The following COTL1 variants were observed in gnomAD, a reference collection of about 807,000 sequenced individuals.
COTL1 encodes coactosin-like protein.
In COTL1, 15 loss-of-function variants were observed where a neutral mutation model predicts 16.5. The observed-to-expected ratio is 0.91, with a 90% CI of 0.61 to 1.40. The LOEUF is 1.40. Ranked by LOEUF, COTL1 falls within the 40% of genes most tolerant of loss-of-function variation. The pLI is 0.00. For synonymous variants in COTL1, 112 were observed against 85.3 expected, an observed-to-expected ratio of 1.31 and a Z score of -1.73; for missense variants, 220 against 201.5, an observed-to-expected ratio of 1.09 and a Z score of -0.56.
chr16:84,612,743 A>T (rs796906296), intron 2 of COTL1, among the ~76,000 whole-genome samples: 10 of 152,280 alleles, frequency 6.6e-5, no homozygotes, highest in African/African-American at 2.4e-4. Flanking sequence ...TGGGCGACAG[A>T]GAAAAACTTT....
intron 2 of COTL1, among the ~76,000 whole-genome samples, chr16:84,614,896 GC>G (rs1905431618): frequency 6.6e-6 from 1 of 152,114 alleles, no homozygotes; most frequent in African/African-American, 2.4e-5. Context: ...GAGCCAGCCT[GC>G]CTGGGTTCAA....
At chr16:84,612,449 T>A (rs1283672006) in intron 2 of COTL1, among the ~76,000 whole-genome samples, 1 of 151,910 alleles carries the variant, frequency 6.6e-6, no homozygotes, top group Non-Finnish European at 1.5e-5. Context: ...AGCTTCCGAG[T>A]GGAAAGCATA....
chr16:84,617,821 G>A lies in COTL1; in HGVS notation c.77+17C>T, dbSNP rs760920177. On this transcript the variant is annotated intron_variant, in intron 1 of 3. Transcript: ENST00000262428. ...AGCCCGGGGAGCGGGGCGTGGAGAC[G>A]AATGAAAAGTTCCTACCAGATGACG... is the stretch of plus-strand genomic sequence containing the variant. 35 of 1,566,134 alleles carry A rather than the reference G, an allele frequency of 2.2e-5. No individual in the cohort carries two copies. Among genetic ancestry groups the A allele is most frequent in the Non-Finnish European group, 2.8e-5 (32 of 1,155,318 alleles).
At chr16:84,569,810 C>G (rs570096826) in intron 3 of COTL1, among the ~76,000 whole-genome samples, 7 of 152,314 alleles carry the variant, frequency 4.6e-5, no homozygotes, top group African/African-American at 1.7e-4. Context: ...CTGAGCCCCA[C>G]GGCATGAGGG....
chr16:84,605,918 C>T (rs888242435), intron 2 of COTL1, among the ~76,000 whole-genome samples: 7 of 152,246 alleles, frequency 4.6e-5, no homozygotes, highest in African/African-American at 1.7e-4. Flanking sequence ...TAAAGGTCCA[C>T]TGTTAACCAT....
chr16:84,601,201 G>T (rs1905100484), intron 2 of COTL1, among the ~76,000 whole-genome samples: 1 of 152,116 alleles, frequency 6.6e-6, no homozygotes, highest in Admixed American at 6.5e-5. Flanking sequence ...CCATCGCTGT[G>T]GGTTGGTTAT....
chr16:84,585,949 T>C (rs1439080685), intron 3 of COTL1, among the ~76,000 whole-genome samples: 1 of 152,152 alleles, frequency 6.6e-6, no homozygotes, highest in Non-Finnish European at 1.5e-5. Flanking sequence ...CAGCATCCCT[T>C]TCTCTAACAA....
At chr16:84,591,890 G>A (rs531460274) in intron 2 of COTL1, among the ~76,000 whole-genome samples, 25 of 119,472 alleles carry the variant, frequency 2.1e-4, no homozygotes, top group Non-Finnish European at 3.6e-4. Flanking sequence ...AAATATGTGC[G>A]TGCATGTGTA....
At chr16:84,612,168 A>G (rs921749780) in intron 2 of COTL1, among the ~76,000 whole-genome samples, 3 of 152,168 alleles carry the variant, frequency 2.0e-5, no homozygotes, top group African/African-American at 7.2e-5. Flanking sequence ...CAGCATAAGG[A>G]CTTGCTTCCT....
intron 2 of COTL1, among the ~76,000 whole-genome samples, chr16:84,617,264 T>G (rs1244171897): frequency 1.3e-5 from 2 of 152,216 alleles, no homozygotes; most frequent in African/African-American, 2.4e-5. Context: ...CTGCCCCGCC[T>G]GGAGAAGGCA....
At chr16:84,580,589 C>T (rs1330712836) in intron 3 of COTL1, among the ~76,000 whole-genome samples, 2 of 152,162 alleles carry the variant, frequency 1.3e-5, no homozygotes, top group Non-Finnish European at 2.9e-5. Context: ...CCCAGGGCTC[C>T]TCACTGCCCT....
At chr16:84,569,356 G>C (rs570270163) in intron 3 of COTL1, among the ~76,000 whole-genome samples, 3 of 152,192 alleles carry the variant, frequency 2.0e-5, no homozygotes, top group African/African-American at 7.2e-5. Flanking sequence ...TTCATTTTAT[G>C]TTAAATGAAT....
At chr16:84,614,390 G>T (rs1905416549) in intron 2 of COTL1, among the ~76,000 whole-genome samples, 1 of 152,056 alleles carries the variant, frequency 6.6e-6, no homozygotes, top group East Asian at 1.9e-4. Flanking sequence ...ACACCCCGTG[G>T]CCCTCTGGAA....
intron 2 of COTL1, among the ~76,000 whole-genome samples, chr16:84,603,790 G>A (rs1275717068): frequency 6.6e-6 from 1 of 151,990 alleles, no homozygotes; most frequent in Non-Finnish European, 1.5e-5. Context: ...ATAAGACCCT[G>A]CCCAGCTGGG....
intron 2 of COTL1, among the ~76,000 whole-genome samples, chr16:84,612,825 C>T (rs1163754313): frequency 6.6e-6 from 1 of 152,096 alleles, no homozygotes; most frequent in African/African-American, 2.4e-5. Flanking sequence ...ATTTTAGGTG[C>T]ATTACTTCAG....
chr16:84,583,366 T>C (rs777904876), intron 3 of COTL1, among the ~76,000 whole-genome samples: 12 of 152,336 alleles, frequency 7.9e-5, no homozygotes, highest in South Asian at 2.1e-4. Flanking sequence ...TATTGCCACA[T>C]TGGTACCCAA....
chr16:84,585,680 C>T lies in COTL1; in HGVS notation c.318+4425G>A, dbSNP rs149470469. Among the ~76,000 whole-genome samples the T allele has an allele frequency of 4.2e-3, 644 of 152,252 alleles. 2 individuals are homozygous for T. Among genetic ancestry groups the T allele is most frequent in the Non-Finnish European group, 5.9e-3 (403 of 68,022 alleles). ...GTGAAGCAGAGGGGAAGTTGATAGG[C>T]ATGCCAGTCTCTGCATGGTTTTAGC... is the stretch of plus-strand genomic sequence containing the variant. On this transcript the variant is annotated intron_variant, in intron 3 of 3. Coordinates refer to ENST00000262428, the MANE Select transcript of COTL1 (RefSeq NM_021149.5).
In COTL1 at chr16:84,595,292, GC is replaced by G. The variant is rs1438291619; in HGVS notation, c.161-5031del. On this transcript the variant is annotated intron_variant, in intron 2 of 3. Coordinates refer to ENST00000262428, the MANE Select transcript of COTL1 (RefSeq NM_021149.5). ...GTTTGGTCAACAAGATTGCTGACAGGCCTGTTTTTGAAAATCCGAGTCACGT... is the reference window on the plus strand; with the variant it reads ...GTTTGGTCAACAAGATTGCTGACAGGCTGTTTTTGAAAATCCGAGTCACGT... The G allele has an allele frequency of 2.0e-5, 3 of 152,368 alleles. No individual in the cohort carries two copies. The East Asian group carries it at 5.8e-4, about 29-fold the overall frequency. 9.4% of individuals were successfully genotyped at this position (152,368 alleles called of 1,614,324 possible).
intron 2 of COTL1, among the ~76,000 whole-genome samples, chr16:84,605,572 G>T (rs867831251): frequency 1.2e-4 from 18 of 152,240 alleles, no homozygotes; most frequent in Admixed American, 1.1e-3. Context: ...AAATGGGGAA[G>T]GGTGGGGAAG....
Sources: allele counts gnomAD v4.1 joint callset (sites outside exome capture counted in the v4.1 genomes callset), GRCh38; gene constraint gnomAD v4.1.1; transcripts MANE v1.5; gene names NCBI Gene and HGNC (gene_info 2026-07-23, HGNC 2026-07-21).